NAA35: variants seen among roughly 807,000 people sequenced by gnomAD.
The protein encoded by NAA35 is MAK10 homolog, amino-acid N-acetyltransferase subunit.
In NAA35, 18 loss-of-function variants were observed where a neutral mutation model predicts 101.7. That is an observed-to-expected ratio of 0.18 (90% CI 0.12 to 0.26). The LOEUF (loss-of-function observed/expected upper bound fraction) is 0.26, where lower values mean the gene tolerates loss of function less well. Ranked by LOEUF, NAA35 falls within the 10% of genes least tolerant of loss-of-function variation. The probability of loss-of-function intolerance (pLI) is 1.00; values close to 1 mark genes in which losing one functional copy is unlikely to be tolerated. For missense variants in NAA35, 601 were observed against 886.8 expected (o/e 0.68, Z 4.09); for synonymous variants, 267 against 273.1 (o/e 0.98, Z 0.22).
intron 2 of NAA35, among the ~76,000 whole-genome samples, chr9:85,954,345 A>C (rs113136380): frequency 2.6e-5 from 4 of 152,066 alleles, no homozygotes; most frequent in Admixed American, 2.6e-4. Context: ...GGCCTCCCAC[A>C]ATGCTGGGAT....
chr9:85,996,705 C>G, intron 12 of NAA35, 128 bp downstream of exon 12: 1 of 635,744 alleles, frequency 1.6e-6, no homozygotes, highest in East Asian at 3.2e-5. Context: ...AGACATTGAC[C>G]AAGGGTAAAT....
At chr9:86,003,850 T>C (rs1382865490) in intron 13 of NAA35, among the ~76,000 whole-genome samples, 1 of 152,172 alleles carries the variant, frequency 6.6e-6, no homozygotes, top group Non-Finnish European at 1.5e-5. Context: ...CTCAGTGATT[T>C]AAAAACAATC....
At chr9:85,957,595 A>G (rs1047206041) in intron 3 of NAA35, among the ~76,000 whole-genome samples, 1 of 152,200 alleles carries the variant, frequency 6.6e-6, no homozygotes, top group South Asian at 2.1e-4. Context: ...AAGTTTTAAC[A>G]TGAATTTTGG....
chr9:85,987,914 A>T lies in NAA35; in HGVS notation c.878-8485A>T, dbSNP rs926954215. Among the ~76,000 whole-genome samples the T allele has an allele frequency of 4.6e-5, 7 of 152,262 alleles. 1 individual carries two copies. Among genetic ancestry groups the T allele is most frequent in the African/African-American group, 1.2e-4 (5 of 41,466 alleles). On this transcript the variant is annotated intron_variant, in intron 11 of 22. Transcript: ENST00000361671. ...CTTGGAATAATCACAGGTGTGGAGT[A>T]CACAAGCTGACTGTGTTAAACTATG...
intron 11 of NAA35, among the ~76,000 whole-genome samples, chr9:85,989,332 G>A (rs1297117113): frequency 6.6e-6 from 1 of 152,086 alleles, no homozygotes; most frequent in South Asian, 2.1e-4. Flanking sequence ...TTAGCTGGGC[G>A]TGGTAGTGGG....
At chr9:85,997,966 G>A (rs561682959) in intron 12 of NAA35, among the ~76,000 whole-genome samples, 1 of 152,216 alleles carries the variant, frequency 6.6e-6, no homozygotes, top group African/African-American at 2.4e-5. Flanking sequence ...CCAGGCTGGA[G>A]TGCAGTGGTG....
chr9:86,007,885 A>G (rs2118377224), intron 14 of NAA35, among the ~76,000 whole-genome samples: 1 of 152,308 alleles, frequency 6.6e-6, no homozygotes, highest in Non-Finnish European at 1.5e-5. Flanking sequence ...TGTTAAAAAA[A>G]AAGATACACC....
Position 86,014,315 on chromosome 9 carries a change from C to T in NAA35, c.1568+418C>T, listed in dbSNP as rs550972096. On this transcript the variant is annotated intron_variant, in intron 17 of 22. Coordinates refer to ENST00000361671, the MANE Select transcript of NAA35 (RefSeq NM_024635.4). ...CACTGGGAGCATAACTGTTTCAAAC[C>T]GTGGTGCTGAGGATTCACTTCAGGA... 9.0e-5 allele frequency: 81 copies of T among 899,492 alleles called. No individual in the cohort carries two copies. The African/African-American group carries it at 1.3e-3, about 14-fold the overall frequency. 55.7% of individuals were successfully genotyped at this position (899,492 alleles called of 1,614,324 possible).
intron 13 of NAA35, among the ~76,000 whole-genome samples, chr9:86,004,277 G>C (rs1369529783): frequency 6.6e-6 from 1 of 152,050 alleles, no homozygotes; most frequent in Non-Finnish European, 1.5e-5. Flanking sequence ...GCTAATTTTT[G>C]TATTTTTGGT....
rs931510949 is a variant in NAA35, at chr9:85,974,997, A to C, written c.547A>C (p.Lys183Gln). The change falls in exon 7 of 23, where the codon AAA (lysine) becomes CAA (glutamine). Residue 183 changes from lysine (K) to glutamine (Q), a missense_variant. By Grantham distance (53) the Lys-to-Gln change is moderately conservative (BLOSUM62 1). Transcript: ENST00000361671. ...TTTTCAGTCAATGACTTATGGATTT[A>C]AAATGGCTAACAGTGTGACAGATCT... ...EDFQSMTYGF[K>Q]MANSVTDLRV... The C allele has an allele frequency of 1.2e-6, 2 of 1,612,468 alleles. No homozygotes were observed. The highest frequency in any genetic ancestry group is 2.7e-5 in the African/African-American group (2 of 74,886).
chr9:85,981,611 GC>G (rs1232392797), intron 11 of NAA35, among the ~76,000 whole-genome samples: 1 of 152,114 alleles, frequency 6.6e-6, no homozygotes, highest in Non-Finnish European at 1.5e-5. Context: ...GTGCTGACAG[GC>G]TTCAGGAAAA....
In NAA35 at chr9:86,016,529, A is replaced by G. The variant is rs767806330; in HGVS notation, c.1569-10A>G. The G allele has an allele frequency of 1.9e-6, 3 of 1,608,192 alleles. No individual in the cohort carries two copies. Among genetic ancestry groups the G allele is most frequent in the South Asian group, 1.1e-5 (1 of 89,428 alleles). Reference sequence around the variant, plus strand: ...CATCTACCATTAACTAACATTTTGTATCCTTTAAGGTATCTCTCTGAATTC... The same window carrying G: ...CATCTACCATTAACTAACATTTTGTGTCCTTTAAGGTATCTCTCTGAATTC... On this transcript the variant is annotated splice_polypyrimidine_tract_variant and intron_variant, in intron 17 of 22. Transcript: ENST00000361671.
At chr9:86,018,585 C>T in intron 20 of NAA35, 114 bp from the exon 21 acceptor site, 1 of 1,400,768 alleles carries the variant, frequency 7.1e-7, no homozygotes, top group Non-Finnish European at 9.7e-7. Flanking sequence ...AATGTTTGCC[C>T]CAGTGTCTGT....
intron 4 of NAA35, among the ~76,000 whole-genome samples, chr9:85,959,018 T>G (rs1268502363): frequency 6.6e-6 from 1 of 152,156 alleles, no homozygotes; most frequent in Non-Finnish European, 1.5e-5. Flanking sequence ...ACTAGGCAAA[T>G]GGATATCGTA....
At chr9:86,018,190 T>C (rs1832326903) in intron 19 of NAA35, 65 bp from the exon 20 acceptor site, 1 of 1,441,860 alleles carries the variant, frequency 6.9e-7, no homozygotes, top group African/African-American at 1.4e-5. Flanking sequence ...TTCCATTCTG[T>C]ATTGATGAGT....
At chr9:85,962,871 G>T (rs1333289268) in intron 6 of NAA35, among the ~76,000 whole-genome samples, 1 of 152,100 alleles carries the variant, frequency 6.6e-6, no homozygotes, top group Non-Finnish European at 1.5e-5. Context: ...AATATTTTAG[G>T]GTATAGACAT....
At chr9:86,000,131 T>A (rs371877080) in intron 12 of NAA35, among the ~76,000 whole-genome samples, 1 of 152,178 alleles carries the variant, frequency 6.6e-6, no homozygotes, top group Non-Finnish European at 1.5e-5. Flanking sequence ...ATCAGAAGGC[T>A]TTTCTGCATC....
At chr9:85,952,564 C>T (rs1205872081) in intron 2 of NAA35, among the ~76,000 whole-genome samples, 4 of 152,020 alleles carry the variant, frequency 2.6e-5, no homozygotes, top group South Asian at 2.1e-4. Flanking sequence ...GGATTATAGG[C>T]GTGAGCCATT....
intron 12 of NAA35, among the ~76,000 whole-genome samples, chr9:85,999,215 C>T (rs376327159): frequency 3.9e-5 from 6 of 152,222 alleles, no homozygotes; most frequent in South Asian, 2.1e-4. Context: ...AAGGTTCAGA[C>T]GTTCTAAAGT....
Sources: allele counts gnomAD v4.1 joint callset (sites outside exome capture counted in the v4.1 genomes callset), GRCh38; gene constraint gnomAD v4.1.1; transcripts MANE v1.5; gene names NCBI Gene and HGNC (gene_info 2026-07-23, HGNC 2026-07-21).